ZNF484: variants seen among roughly 807,000 people sequenced by gnomAD.
ZNF484 encodes KRAB box containing C2H2 type zinc finger bA526D8.4.
In ZNF484, 11 loss-of-function variants were observed where a neutral mutation model predicts 12.9. The ratio of observed to expected loss-of-function variants is 0.85; its 90% CI spans 0.54 to 1.41. ZNF484 has a LOEUF of 1.41. Among genes scored for constraint, ZNF484 ranks in the 40% most tolerant of loss-of-function variants. ZNF484 has a pLI of 0.00. For synonymous variants in ZNF484, 289 were observed against 334.1 expected (o/e 0.86, Z 1.47); for missense variants, 807 against 1,007.7 (o/e 0.80, Z 2.70).
At chr9:92,856,170 T>C in intron 3 of ZNF484, 22 bp downstream of exon 3, 2 of 1,612,284 alleles carry the variant, frequency 1.2e-6, no homozygotes. Context: ...GCCTACTCTA[T>C]ACCCAGCAGA....
intron 2 of ZNF484, among the ~76,000 whole-genome samples, chr9:92,860,648 C>A (rs1484998666): frequency 6.9e-5 from 10 of 144,852 alleles, no homozygotes; most frequent in Admixed American, 6.2e-4. Flanking sequence ...AAAAAAAAAC[C>A]AGTATACTTG....
intron 1 of ZNF484, among the ~76,000 whole-genome samples, chr9:92,876,030 TC>T (rs1227366140): frequency 7.2e-6 from 1 of 138,754 alleles, no homozygotes; most frequent in Middle Eastern, 3.4e-3. Flanking sequence ...AGTATCTCTA[TC>T]TTTGAGAGAA....
intron 2 of ZNF484, among the ~76,000 whole-genome samples, chr9:92,867,126 G>C (rs1386927282): frequency 6.6e-6 from 1 of 152,170 alleles, no homozygotes; most frequent in African/African-American, 2.4e-5. Flanking sequence ...AAGGTGGGTG[G>C]ATCACCTGAG....
intron 2 of ZNF484, among the ~76,000 whole-genome samples, chr9:92,867,208 G>A (rs879691134): frequency 6.6e-6 from 1 of 152,218 alleles, no homozygotes; most frequent in Admixed American, 6.5e-5. Context: ...GCCGGGCACA[G>A]TGGCTCAAGC....
At chr9:92,850,624 G>A (rs184823561) in intron 4 of ZNF484, among the ~76,000 whole-genome samples, 190 of 152,124 alleles carry the variant, frequency 1.2e-3, no homozygotes, top group African/African-American at 4.4e-3. Flanking sequence ...ACCCAGGCTG[G>A]AGTGGCTGGA....
Position 92,846,188 on chromosome 9 carries a change from C to T in ZNF484, c.*40G>A. ...CAAAAGTGTCTCCCCATATGTGTAA[C>T]TACACATCAGCTATATGATCCAGAT... On this transcript the variant is annotated 3_prime_UTR_variant, in exon 5 of 5. Coordinates refer to ENST00000375495, the MANE Select transcript of ZNF484 (RefSeq NM_031486.4). 6.4e-7 allele frequency: 1 copy of T among 1,574,106 alleles called. No homozygotes were observed. Among genetic ancestry groups the T allele is most frequent in the Non-Finnish European group, 8.6e-7 (1 of 1,159,102 alleles).
chr9:92,854,649 G>A (rs917203707), intron 4 of ZNF484, among the ~76,000 whole-genome samples: 1 of 152,120 alleles, frequency 6.6e-6, no homozygotes, highest in South Asian at 2.1e-4. Flanking sequence ...CCTGGGAGGT[G>A]GAGCTTGCAG....
intron 4 of ZNF484, among the ~76,000 whole-genome samples, chr9:92,854,419 A>T (rs1028445338): frequency 6.6e-6 from 1 of 152,144 alleles, no homozygotes; most frequent in Non-Finnish European, 1.5e-5. Flanking sequence ...CCTCTTCCTT[A>T]AGAAATTCTC....
At chr9:92,854,159 T>G (rs996940506) in intron 4 of ZNF484, among the ~76,000 whole-genome samples, 3 of 151,986 alleles carry the variant, frequency 2.0e-5, no homozygotes, top group African/African-American at 4.8e-5. Flanking sequence ...AAATGAAGGA[T>G]ACAGAATGAG....
Position 92,875,004 on chromosome 9 carries a change from T to G in ZNF484, c.15+11A>C. ...AGCAACAAATAAACAGATGAACAAA[T>G]AAGAACTCACCAGGGACTTGGTCAT... is the stretch of plus-strand genomic sequence containing the variant. On this transcript the variant is annotated intron_variant, in intron 2 of 4. Coordinates refer to ENST00000375495, the MANE Select transcript of ZNF484 (RefSeq NM_031486.4). The G allele has an allele frequency of 6.2e-7, 1 of 1,613,612 alleles. No homozygotes were observed. The highest frequency in any genetic ancestry group is 8.5e-7 in the Non-Finnish European group (1 of 1,179,824).
In ZNF484 at chr9:92,847,077, G is replaced by C; in HGVS notation, c.1710C>G (p.His570Gln). 1.2e-6 allele frequency: 2 copies of C among 1,613,054 alleles called. No individual in the cohort carries two copies. The highest frequency in any genetic ancestry group is 1.7e-6 in the Non-Finnish European group (2 of 1,179,706). The part of the protein sequence containing the change: ...AFIQKSTLSM[H>Q]QRIHRGEKPY... Reference sequence around the variant, plus strand: ...GTTTTTCCCCTCTATGAATTCTCTGGTGCATACTTAATGTTGACTTCTGAA... The same window carrying C: ...GTTTTTCCCCTCTATGAATTCTCTGCTGCATACTTAATGTTGACTTCTGAA... Residue 570 changes from histidine (H) to glutamine (Q), a missense_variant, in exon 5 of 5, where the codon CAC becomes CAG. His to Gln is a conservative substitution (Grantham distance 24, BLOSUM62 0). Transcript: ENST00000375495.
rs973636441 is a variant in ZNF484 at position 92,846,120 on chromosome 9, T to A, written c.*108A>T. The A allele has an allele frequency of 4.4e-6, 5 of 1,129,898 alleles. No homozygotes were observed. In the African/African-American group the frequency reaches 4.7e-5, roughly 11 times the overall value. 70.0% of individuals were successfully genotyped at this position (1,129,898 alleles called of 1,614,324 possible). A position where few individuals can be genotyped will look rare whatever the true frequency, so the allele number is the denominator to read the frequency against. ...TTGCAGGAGCTTGACAACACCAATATCAAGTAACCAAAGATGGCCACTATA... is the reference window on the plus strand; with the variant it reads ...TTGCAGGAGCTTGACAACACCAATAACAAGTAACCAAAGATGGCCACTATA... On this transcript the variant is annotated 3_prime_UTR_variant, in exon 5 of 5. Coordinates refer to ENST00000375495, the MANE Select transcript of ZNF484 (RefSeq NM_031486.4).
At position 92,844,974 on chromosome 9, in the gene ZNF484, A is replaced by T. The variant is rs2131579006; in HGVS notation, c.*1254T>A. On this transcript the variant is annotated 3_prime_UTR_variant, in exon 5 of 5. Coordinates refer to ENST00000375495, the MANE Select transcript of ZNF484 (RefSeq NM_031486.4). The stretch of plus-strand genomic sequence containing the variant: ...ATACAAAATTAATACCATATAAGAG[A>T]CAAATAAATGAAATTATAATGTTAT... 1 of 152,294 alleles carries T rather than the reference A, an allele frequency of 6.6e-6. No homozygotes were observed. Among genetic ancestry groups the T allele is most frequent in the Admixed American group, 6.5e-5 (1 of 15,296 alleles). The allele number at this position is 152,294 out of a possible 1,614,324, so 9.4% of individuals were successfully genotyped here.
intron 1 of ZNF484, among the ~76,000 whole-genome samples, chr9:92,876,107 G>T (rs1857792121): frequency 6.6e-6 from 1 of 152,064 alleles, no homozygotes; most frequent in Non-Finnish European, 1.5e-5. Flanking sequence ...GGAAAATATT[G>T]TTTAGCAATA....
chr9:92,873,993 T>C (rs568328726), intron 2 of ZNF484, among the ~76,000 whole-genome samples: 106 of 152,302 alleles, frequency 7.0e-4, no homozygotes, highest in African/African-American at 2.5e-3. Context: ...TGGTTCAATA[T>C]TAAAAAATCA....
intron 2 of ZNF484, among the ~76,000 whole-genome samples, chr9:92,857,054 G>C (rs1473257792): frequency 1.3e-5 from 2 of 152,224 alleles, no homozygotes; most frequent in Admixed American, 6.5e-5. Context: ...GGTAAACTGT[G>C]TGGTGTATGA....
At chr9:92,855,757 A>T in intron 4 of ZNF484, 54 bp downstream of exon 4, 3 of 1,545,372 alleles carry the variant, frequency 1.9e-6, no homozygotes, top group Middle Eastern at 1.7e-4. Context: ...AGCTTCTCCC[A>T]GTACAAATGC....
chr9:92,869,278 A>G (rs1857289947), intron 2 of ZNF484, among the ~76,000 whole-genome samples: 1 of 152,188 alleles, frequency 6.6e-6, no homozygotes, highest in South Asian at 2.1e-4. Context: ...ACATGTATGT[A>G]TGGAAAACAA....
chr9:92,859,734 C>A (rs550422145), intron 2 of ZNF484, among the ~76,000 whole-genome samples: 27 of 152,172 alleles, frequency 1.8e-4, no homozygotes, highest in Admixed American at 2.6e-4. Context: ...TCAGGTTCCA[C>A]AATTCACAGA....
Sources: gnomAD v4.1 joint callset for allele counts (sites outside exome capture counted in the v4.1 genomes callset) on GRCh38, gnomAD v4.1.1 for gene constraint, MANE v1.5 for transcripts, NCBI Gene and HGNC (gene_info 2026-07-23, HGNC 2026-07-21) for gene names.